SEMA5A: variants seen among roughly 807,000 people sequenced by gnomAD.
SEMA5A encodes semaphorin-5A.
SEMA5A carries 55 observed loss-of-function variants against 135.5 expected under a neutral mutation model. The observed-to-expected ratio is 0.41, with a 90% CI of 0.33 to 0.51. The LOEUF (loss-of-function observed/expected upper bound fraction) is 0.51, where lower values mean the gene tolerates loss of function less well. SEMA5A is among the 20% of genes least tolerant of loss of function. SEMA5A has a pLI of 0.37. For missense variants in SEMA5A, 1,290 were observed against 1,419.9 expected, an observed-to-expected ratio of 0.91 and a Z score of 1.47; for synonymous variants, 580 against 546.5, an observed-to-expected ratio of 1.06 and a Z score of -0.85.
At position 9,413,352 on chromosome 5, in the gene SEMA5A, A is replaced by G. The variant is rs141462762; in HGVS notation, c.-78+24404T>C. ...AGATGTTAGAAGGAGAAGAATCAGA[A>G]ATAACACACCTGGATTCTGAGCCTT... On this transcript the variant is annotated intron_variant, in intron 2 of 22. Transcript: ENST00000382496. 7.2e-5 allele frequency among the ~76,000 whole-genome samples: 11 copies of G among 152,346 alleles called. 1 individual carries two copies. In the East Asian group the frequency reaches 1.9e-3, roughly 27 times the overall value.
chr5:9,250,442 C>G (rs957654358), intron 5 of SEMA5A, among the ~76,000 whole-genome samples: 1 of 152,106 alleles, frequency 6.6e-6, no homozygotes, highest in Admixed American at 6.5e-5. Context: ...ACTACCTATA[C>G]GATCCTGTTT....
At chr5:9,175,235 C>G (rs1055430915) in intron 11 of SEMA5A, among the ~76,000 whole-genome samples, 1 of 152,060 alleles carries the variant, frequency 6.6e-6, no homozygotes, top group Non-Finnish European at 1.5e-5. Context: ...ATACTCTTTT[C>G]TTGCAGGATT....
intron 15 of SEMA5A, among the ~76,000 whole-genome samples, chr5:9,117,474 G>C (rs569766796): frequency 6.6e-6 from 1 of 152,142 alleles, no homozygotes; most frequent in Non-Finnish European, 1.5e-5. Flanking sequence ...GAGATATCTT[G>C]GGGATAGGAC....
intron 3 of SEMA5A, among the ~76,000 whole-genome samples, chr5:9,350,183 G>A (rs182315787): frequency 7.8e-4 from 119 of 152,230 alleles, no homozygotes; most frequent in African/African-American, 2.6e-3. Flanking sequence ...AGAGGTCAGC[G>A]CAACCTAATC....
At chr5:9,384,619 CATAGATAGATAGATAGATAGAT>C (rs1755776270) in intron 2 of SEMA5A, among the ~76,000 whole-genome samples, 1 of 85,814 alleles carries the variant, frequency 1.2e-5, no homozygotes, top group African/African-American at 4.4e-5. Context: ...TAGATAGATA[CATAGATAGATAGATAGATAGAT>C]AGATAGATAG....
chr5:9,306,151 GC>G (rs1243367847), intron 5 of SEMA5A, among the ~76,000 whole-genome samples: 2 of 152,212 alleles, frequency 1.3e-5, no homozygotes, highest in Admixed American at 1.3e-4. Flanking sequence ...TTTGAGGTTT[GC>G]AGAGCTTCTT....
chr5:9,251,359 T>C (rs1379105023), intron 5 of SEMA5A, among the ~76,000 whole-genome samples: 1 of 152,194 alleles, frequency 6.6e-6, no homozygotes, highest in Non-Finnish European at 1.5e-5. Flanking sequence ...TAAATGCTGA[T>C]ATTAATTGTC....
At chr5:9,158,614 G>C (rs1743081607) in intron 11 of SEMA5A, among the ~76,000 whole-genome samples, 1 of 151,992 alleles carries the variant, frequency 6.6e-6, no homozygotes, top group South Asian at 2.1e-4. Flanking sequence ...AGGATGCTCA[G>C]AATGGACACT....
intron 10 of SEMA5A, among the ~76,000 whole-genome samples, chr5:9,194,088 TCTGTCACAGCTCAGCTGTGCCA>T (rs1341513762): frequency 1.3e-5 from 2 of 152,194 alleles, no homozygotes; most frequent in East Asian, 3.9e-4. Flanking sequence ...AATTCTGGAG[TCTGTCACAGCTCAGCTGTGCCA>T]CTGGGCCTCG....
chr5:9,390,480 T>C (rs1756112668), intron 2 of SEMA5A, among the ~76,000 whole-genome samples: 1 of 152,258 alleles, frequency 6.6e-6, no homozygotes, highest in African/African-American at 2.4e-5. Context: ...TACCTTAAAA[T>C]ATTATCAGAT....
rs79532555 is a variant in SEMA5A, at chr5:9,416,869, A to G, written c.-78+20887T>C. On this transcript the variant is annotated intron_variant, in intron 2 of 22. Transcript: ENST00000382496. ...TAATGTGCTACCCTCACTGACAAGA[A>G]GGGATTATCCGGTGCAAATTGTCAA... Among the ~76,000 whole-genome samples the G allele has an allele frequency of 5.4e-3, 823 of 152,328 alleles. 6 individuals are homozygous for G. The highest frequency in any genetic ancestry group is 9.1e-3 in the Non-Finnish European group (621 of 68,040).
chr5:9,418,134 G>C (rs1038354258), intron 2 of SEMA5A, among the ~76,000 whole-genome samples: 3 of 152,034 alleles, frequency 2.0e-5, no homozygotes, highest in South Asian at 4.2e-4. Context: ...CCGCTACCAT[G>C]CCCGGCTAAT....
At chr5:9,297,709 C>T (rs528257538) in intron 5 of SEMA5A, among the ~76,000 whole-genome samples, 2 of 137,544 alleles carry the variant, frequency 1.5e-5, no homozygotes, top group Admixed American at 7.9e-5. Context: ...TACATGCCAC[C>T]ATGTCAAGCT....
intron 16 of SEMA5A, among the ~76,000 whole-genome samples, chr5:9,067,771 T>A (rs1737556267): frequency 6.6e-6 from 1 of 152,172 alleles, no homozygotes; most frequent in Admixed American, 6.5e-5. Flanking sequence ...TCCCTTTTCT[T>A]GCTGCATCTC....
intron 2 of SEMA5A, among the ~76,000 whole-genome samples, chr5:9,433,746 TTAA>T (rs1757937153): frequency 6.6e-6 from 1 of 152,108 alleles, no homozygotes; most frequent in Non-Finnish European, 1.5e-5. Context: ...ACTAAAACAA[TTAA>T]TAATACTACT....
intron 16 of SEMA5A, among the ~76,000 whole-genome samples, chr5:9,068,947 C>T (rs1326414996): frequency 6.6e-6 from 1 of 152,154 alleles, no homozygotes. Context: ...GGCAGCACAA[C>T]CAAGAGTCCT....
chr5:9,387,079 G>A (rs1755927847), intron 2 of SEMA5A, among the ~76,000 whole-genome samples: 1 of 152,206 alleles, frequency 6.6e-6, no homozygotes, highest in East Asian at 1.9e-4. Context: ...GATCAAAGGT[G>A]CAGTGACAGG....
chr5:9,542,007 G>C (rs1017902606), intron 1 of SEMA5A, among the ~76,000 whole-genome samples: 1 of 152,150 alleles, frequency 6.6e-6, no homozygotes, highest in African/African-American at 2.4e-5. Context: ...AGCAAGTTTT[G>C]AGCAGGTTCA....
At chr5:9,219,442 C>T (rs868654539) in intron 8 of SEMA5A, among the ~76,000 whole-genome samples, 2 of 152,148 alleles carry the variant, frequency 1.3e-5, no homozygotes, top group South Asian at 4.1e-4. Context: ...GTTAAGGTCC[C>T]AGCCCCCAGT....
Sources: allele counts gnomAD v4.1 joint callset (sites outside exome capture counted in the v4.1 genomes callset), GRCh38; gene constraint gnomAD v4.1.1; transcripts MANE v1.5; gene names NCBI Gene and HGNC (gene_info 2026-07-23, HGNC 2026-07-21).